Variants in UPF1 observed in about 807,000 individuals in gnomAD.
The protein encoded by UPF1 is regulator of nonsense transcripts 1.
Under a neutral mutation model 129.2 loss-of-function variants are expected in UPF1, and 9 were observed. That is an observed-to-expected ratio of 0.07 (90% confidence interval 0.04 to 0.12). The LOEUF is 0.12. Among genes scored for constraint, UPF1 ranks in the 10% least tolerant of loss-of-function variants. The pLI is 1.00. For missense variants in UPF1, 788 were observed against 1,525.3 expected, an observed-to-expected ratio of 0.52 and a Z score of 8.05; for synonymous variants, 649 against 644.9, an observed-to-expected ratio of 1.01 and a Z score of -0.10.
At chr19:18,859,136 CCA>C (rs752034449) in intron 15 of UPF1, among the ~76,000 whole-genome samples, 11 of 152,220 alleles carry the variant, frequency 7.2e-5, no homozygotes, top group Non-Finnish European at 1.2e-4. Context: ...AAACACAAGG[CCA>C]CAGAGACCTA....
chr19:18,832,548 C>A lies in UPF1; in HGVS notation c.231+108C>A. The A allele has an allele frequency of 1.2e-6, 1 of 846,648 alleles. No individual in the cohort carries two copies. The highest frequency in any genetic ancestry group is 1.4e-6 in the Non-Finnish European group (1 of 702,798). 52.4% of individuals were successfully genotyped at this position (846,648 alleles called of 1,614,324 possible). On this transcript the variant is annotated intron_variant, in intron 1 of 23. Transcript: ENST00000262803. This position sits in a 1 kb window ranked among gnomAD's most constrained non-coding sequence, Gnocchi z 5.6. ...TGTGTTTGGCCGGAGTCCCCCATCG[C>A]GGCCGGGCCTGGGGCGATCTGCCCC...
rs1398522954 is a variant in UPF1, at chr19:18,832,573, CG to C, written c.231+136del. On this transcript the variant is annotated intron_variant, in intron 1 of 23. Coordinates refer to ENST00000262803, the MANE Select transcript of UPF1 (RefSeq NM_002911.4). The surrounding 1 kb of genome is among the most constrained non-coding windows in gnomAD (Gnocchi z 5.6). The stretch of plus-strand genomic sequence containing the variant: ...CGGCCGGGCCTGGGGCGATCTGCCC[CG>C]GGTCCCCTACTCTGGCTCGGCCTGA... 3.1e-6 allele frequency: 2 copies of C among 636,114 alleles called. No homozygotes were observed. The highest frequency in any genetic ancestry group is 3.9e-5 in the African/African-American group (2 of 50,658). The allele number at this position is 636,114 out of a possible 1,614,324, so 39.4% of individuals were successfully genotyped here.
chr19:18,866,181 AG>A lies in UPF1; in HGVS notation c.*3+16del. The A allele has an allele frequency of 6.4e-7, 1 of 1,574,522 alleles. No homozygotes were observed. The highest frequency in any genetic ancestry group is 8.6e-7 in the Non-Finnish European group (1 of 1,159,630). ...AGTATTAAAAGGCAAGCCCCCCTGG[AG>A]CAGGCCTGGCCCCACCCCAGCCTCA... On this transcript the variant is annotated intron_variant, in intron 23 of 23. Coordinates refer to ENST00000262803, the MANE Select transcript of UPF1 (RefSeq NM_002911.4).
chr19:18,856,739 C>G, intron 13 of UPF1, 138 bp from the exon 14 acceptor site: 2 of 1,271,488 alleles, frequency 1.6e-6, no homozygotes, highest in East Asian at 2.6e-5. Context: ...TGTATCTTGT[C>G]TGGGAGGGAC....
chr19:18,867,068 C>T lies in UPF1; in HGVS notation c.*551C>T, dbSNP rs904098333. The T allele has an allele frequency of 1.3e-5, 2 of 152,702 alleles. No individual in the cohort carries two copies. Among genetic ancestry groups the T allele is most frequent in the Non-Finnish European group, 2.9e-5 (2 of 68,008 alleles). The allele number at this position is 152,702 out of a possible 1,614,324, so 9.5% of individuals were successfully genotyped here. A position where few individuals can be genotyped will look rare whatever the true frequency, so the allele number is the denominator to read the frequency against. On this transcript the variant is annotated 3_prime_UTR_variant, in exon 24 of 24. Transcript: ENST00000262803. ...AAATAAGGGTGTTTTGGGTTTTTCT[C>T]TTTGTTTTTTTCAAGATTCTTTTAA...
intron 2 of UPF1, among the ~76,000 whole-genome samples, chr19:18,847,405 C>G (rs942076853): frequency 7.9e-5 from 12 of 152,194 alleles, no homozygotes; most frequent in African/African-American, 2.9e-4. Flanking sequence ...CAGAGTTCAC[C>G]ATGACCACTG....
chr19:18,840,297 C>T (rs995002291), intron 1 of UPF1, among the ~76,000 whole-genome samples: 1 of 152,114 alleles, frequency 6.6e-6, no homozygotes, highest in African/African-American at 2.4e-5. Context: ...ACCGGCTGCC[C>T]CCTCCCAGTC....
At chr19:18,840,992 C>T (rs1318425301) in intron 1 of UPF1, among the ~76,000 whole-genome samples, 4 of 152,200 alleles carry the variant, frequency 2.6e-5, no homozygotes, top group South Asian at 2.1e-4. Context: ...CCTTGCAGAG[C>T]GAGTGCAGGC....
chr19:18,862,780 C>T (rs1167911957), intron 18 of UPF1, among the ~76,000 whole-genome samples: 8 of 151,716 alleles, frequency 5.3e-5, no homozygotes, highest in Admixed American at 2.6e-4. Flanking sequence ...TGTGGTGAGC[C>T]GAGATTGCGC....
chr19:18,854,301 G>A (rs1022492746), intron 8 of UPF1, among the ~76,000 whole-genome samples: 10 of 152,308 alleles, frequency 6.6e-5, no homozygotes, highest in East Asian at 1.9e-4. Context: ...TGCTGGCTTC[G>A]CTGCCGCCCT....
Position 18,850,700 on chromosome 19 carries a change from C to T in UPF1, c.642C>T (p.Ala214=). ...TCCCGCTCTGCAGGCAGCCCTGTGC[C>T]AGCCAGAGCAGCCTCAAGGACATCA... ...VVVLLCRQPC[A]SQSSLKDINW... The change falls in exon 5 of 24, where the codon GCC becomes GCT. Residue 214 remains alanine, a synonymous_variant. Transcript: ENST00000262803. This position sits in a 1 kb window ranked among gnomAD's most constrained non-coding sequence, Gnocchi z 7.1. 6.3e-7 allele frequency: 1 copy of T among 1,594,680 alleles called. No individual in the cohort carries two copies. The highest frequency in any genetic ancestry group is 8.6e-7 in the Non-Finnish European group (1 of 1,168,790).
rs2055687827 is a variant in UPF1 at position 18,853,952 on chromosome 19, T to A, written c.1156+602T>A. 1.3e-5 allele frequency among the ~76,000 whole-genome samples: 2 copies of A among 152,086 alleles called. No homozygotes were observed. The highest frequency in any genetic ancestry group is 1.3e-4 in the Admixed American group (2 of 15,266). ...GGCCAATGCTGCTGGGGCCTGACCA[T>A]TCAGCGGTGGCCTCCACAGGGGTAG... On this transcript the variant is annotated intron_variant, in intron 8 of 23. Coordinates refer to ENST00000262803, the MANE Select transcript of UPF1 (RefSeq NM_002911.4). This position sits in a 1 kb window ranked among gnomAD's most constrained non-coding sequence, Gnocchi z 4.4.
chr19:18,859,886 C>T lies in UPF1; in HGVS notation c.2183-435C>T, dbSNP rs552393583. The stretch of plus-strand genomic sequence containing the variant: ...AGGCAGAGCCACCGGTCAACAGGCC[C>T]TCAGCAGGAATGGACAAGGCTGCAG... On this transcript the variant is annotated intron_variant, in intron 15 of 23. Transcript: ENST00000262803. 3.2e-5 allele frequency: 5 copies of T among 155,574 alleles called. No homozygotes were observed. In the South Asian group the frequency reaches 1.0e-3, roughly 31 times the overall value. The allele number at this position is 155,574 out of a possible 1,614,324, so 9.6% of individuals were successfully genotyped here.
In UPF1 at chr19:18,857,403, C is replaced by G; in HGVS notation, c.2052C>G (p.Leu684=). 6.2e-7 allele frequency: 1 copy of G among 1,613,538 alleles called. No individual in the cohort carries two copies. Among genetic ancestry groups the G allele is most frequent in the South Asian group, 1.1e-5 (1 of 91,080 alleles). The change falls in exon 15 of 24, where the codon CTC becomes CTG. Residue 684 remains leucine, a synonymous_variant. Transcript: ENST00000262803. Reference sequence around the variant, plus strand: ...CCAAGGCCGGGCTGTCACAGTCGCTCTTCGAGCGCCTGGTGGTGCTGGGCA... The same window carrying G: ...CCAAGGCCGGGCTGTCACAGTCGCTGTTCGAGCGCCTGGTGGTGCTGGGCA... ...KAAKAGLSQS[L]FERLVVLGIR...
chr19:18,832,232 C>T lies in UPF1; in HGVS notation c.23C>T (p.Pro8Leu). 6.5e-7 allele frequency: 1 copy of T among 1,547,772 alleles called. No homozygotes were observed. The highest frequency in any genetic ancestry group is 1.2e-5 in the South Asian group (1 of 86,240). The part of the protein sequence containing the change: MSVEAYG[P>L]SSQTLTFLDT... ...ACCATGAGCGTGGAGGCGTACGGGCCCAGCTCGCAGACTCTCACTTTCCTG... is the reference window on the plus strand; with the variant it reads ...ACCATGAGCGTGGAGGCGTACGGGCTCAGCTCGCAGACTCTCACTTTCCTG... The change falls in exon 1 of 24, where the codon CCC (proline) becomes CTC (leucine). Residue 8 changes from proline to leucine, a missense_variant. By Grantham distance (98) the Pro-to-Leu change is moderately conservative. Around this residue, in one of 6 missense-constraint regions of UPF1, gnomAD observed 112 missense variants for 128.2 expected, o/e 0.87. Coordinates refer to ENST00000262803, the MANE Select transcript of UPF1 (RefSeq NM_002911.4). The surrounding 1 kb of genome is among the most constrained non-coding windows in gnomAD (Gnocchi z 5.6).
At chr19:18,864,377 T>A in intron 20 of UPF1, 126 bp downstream of exon 20, 2 of 788,642 alleles carry the variant, frequency 2.5e-6, no homozygotes, top group Non-Finnish European at 4.0e-6. Context: ...CTGGCTCCCT[T>A]GGCCTCCCCG....
At chr19:18,837,271 T>C (rs2055493523) in intron 1 of UPF1, among the ~76,000 whole-genome samples, 1 of 152,078 alleles carries the variant, frequency 6.6e-6, no homozygotes, top group Admixed American at 6.5e-5. Context: ...TCTTTTTTTG[T>C]AGAGATGGGG....
At chr19:18,845,891 G>A (rs1213154266) in intron 1 of UPF1, 89 bp from the exon 2 acceptor site, 56 of 1,513,924 alleles carry the variant, frequency 3.7e-5, no homozygotes, top group Non-Finnish European at 4.9e-5. Context: ...TGAGGCCAGG[G>A]TGTCACACCA....
In UPF1 at chr19:18,860,996, TC is replaced by T; in HGVS notation, c.2457+15del. On this transcript the variant is annotated intron_variant, in intron 17 of 23. Transcript: ENST00000262803. Reference sequence around the variant, plus strand: ...AAGCTCTACCAGGTGCGCTGCGCCCTCGGGCACACTTGGTCTCCTGGGCCAT... The same window carrying T: ...AAGCTCTACCAGGTGCGCTGCGCCCTGGGCACACTTGGTCTCCTGGGCCAT... 2 of 1,561,818 alleles carry T rather than the reference TC, an allele frequency of 1.3e-6. No homozygotes were observed. The highest frequency in any genetic ancestry group is 1.7e-6 in the Non-Finnish European group (2 of 1,155,092).
Sources: allele counts gnomAD v4.1 joint callset (sites outside exome capture counted in the v4.1 genomes callset), GRCh38; gene constraint gnomAD v4.1.1; regional missense constraint gnomAD v4.1.1; non-coding constraint Gnocchi (gnomAD v3.1); transcripts MANE v1.5; gene names NCBI Gene and HGNC (gene_info 2026-07-23, HGNC 2026-07-21).